MAP7D3: variants seen among roughly 807,000 people sequenced by gnomAD.
MAP7D3 encodes MAP7 domain-containing protein 3.
In MAP7D3, 45 loss-of-function variants were observed where a neutral mutation model predicts 62.2. That is an observed-to-expected ratio of 0.72 (90% CI 0.57 to 0.93). The LOEUF (loss-of-function observed/expected upper bound fraction) is 0.93. MAP7D3 is among the 40% of genes least tolerant of loss of function. The probability of loss-of-function intolerance (pLI) is 0.00; values close to 1 mark genes in which losing one functional copy is unlikely to be tolerated. For missense variants in MAP7D3, 711 were observed against 683.1 expected (o/e 1.04, Z -0.45); for synonymous variants, 288 against 248.8 (o/e 1.16, Z -1.48).
Position 136,230,983 on chromosome X carries a change from A to AGTATG in MAP7D3, c.1414-22_1414-18dup. 1 of 1,130,108 alleles carries AGTATG rather than the reference A, an allele frequency of 8.8e-7. No individual in the cohort carries two copies. Among genetic ancestry groups the AGTATG allele is most frequent in the Non-Finnish European group, 1.2e-6 (1 of 849,191 alleles). The allele number at this position is 1,130,108 out of a possible 1,213,427, so 93.1% of individuals were successfully genotyped here. A position where few individuals can be genotyped will look rare whatever the true frequency, so the allele number is the denominator to read the frequency against. The stretch of plus-strand genomic sequence containing the variant: ...TTCTGATTTCTGAACAGATAAACAC[A>AGTATG]GTATGGTAAATTACTAACAAACAAT... On this transcript the variant is annotated splice_polypyrimidine_tract_variant and intron_variant, in intron 8 of 18. Transcript: ENST00000316077.
At chrX:136,220,619 G>T in intron 16 of MAP7D3, 146 bp downstream of exon 16, 1 of 515,194 alleles carries the variant, frequency 1.9e-6, no homozygotes, top group Non-Finnish European at 3.3e-6. Context: ...GCTGTTGTGG[G>T]GATGAGTTTA....
downstream of MAP7D3, chrX:136,214,199 C>T (rs2074047417): frequency 8.9e-6 from 1 of 111,958 alleles, no homozygotes; most frequent in Non-Finnish European, 1.9e-5. Flanking sequence ...AACCTAACTG[C>T]AATGATTACA....
At chrX:136,251,252 G>C in intron 1 of MAP7D3, 37 bp downstream of exon 1, 1 of 1,101,362 alleles carries the variant, frequency 9.1e-7, no homozygotes, top group Non-Finnish European at 1.2e-6. Context: ...CTCCCACGCG[G>C]GCCCGAACCA....
intron 14 of MAP7D3, among the ~76,000 whole-genome samples, chrX:136,222,890 G>A (rs1165707570): frequency 9.4e-6 from 1 of 106,692 alleles, no homozygotes; most frequent in Non-Finnish European, 1.9e-5. Flanking sequence ...TGCCCAAGAT[G>A]GAGTGCAGTG....
In MAP7D3 at chrX:136,220,863, G is replaced by A. The variant is rs1309027638; in HGVS notation, c.2388C>T (p.Ser796=). ...ATGTTTTTGGCTCTTTACGGACCTG[G>A]CTGGTACCATCTTCTAGAAATACCA... ...HKLVFLEDGT[S]QVRKEPKTYF... The change falls in exon 16 of 19, where the codon AGC becomes AGT. Residue 796 remains serine (S), a synonymous_variant. Coordinates refer to ENST00000316077, the MANE Select transcript of MAP7D3 (RefSeq NM_024597.4). The A allele has an allele frequency of 5.8e-6, 7 of 1,202,383 alleles. No individual in the cohort carries two copies. Among genetic ancestry groups the A allele is most frequent in the African/African-American group, 1.8e-5 (1 of 57,015 alleles).
At chrX:136,235,407 G>A (rs1020323888) in intron 7 of MAP7D3, among the ~76,000 whole-genome samples, 7 of 111,962 alleles carry the variant, frequency 6.3e-5, no homozygotes, top group African/African-American at 2.3e-4. Context: ...GAAACAAAAA[G>A]CAACAAATAC....
In MAP7D3 at chrX:136,232,101, T is replaced by C. The variant is rs772284030; in HGVS notation, c.856A>G (p.Lys286Glu). ...TTCTCCAAGGGAGACTCTTCTACTT[T>C]TGTTTGAGGAGGTATTTTCATTGTC... Reference protein sequence around the residue: ...MSTMKIPPQTKVEESPLEKVE... With the variant: ...MSTMKIPPQTEVEESPLEKVE... Residue 286 changes from lysine (K) to glutamate (E), a missense_variant, in exon 8 of 19, where the codon AAA (lysine) becomes GAA (glutamate). Lys to Glu is a moderately conservative substitution (Grantham distance 56, BLOSUM62 1). Transcript: ENST00000316077. 3.1e-5 allele frequency: 37 copies of C among 1,207,918 alleles called. No homozygotes were observed. Among genetic ancestry groups the C allele is most frequent in the Non-Finnish European group, 4.0e-5 (36 of 893,174 alleles).
intron 1 of MAP7D3, among the ~76,000 whole-genome samples, chrX:136,250,903 G>A (rs2074499344): frequency 1.8e-5 from 2 of 111,604 alleles, no homozygotes. Flanking sequence ...TTGCGCGGGC[G>A]GCCACCGCCC....
chrX:136,245,997 A>T, intron 3 of MAP7D3, 68 bp downstream of exon 3: 1 of 730,413 alleles, frequency 1.4e-6, no homozygotes, highest in South Asian at 2.7e-5. Flanking sequence ...TAGGAGGAAT[A>T]AGTTAAAAAC....
intron 14 of MAP7D3, among the ~76,000 whole-genome samples, chrX:136,223,516 T>C (rs2074155755): frequency 9.0e-6 from 1 of 110,514 alleles, no homozygotes; most frequent in Admixed American, 9.7e-5. Flanking sequence ...AGGCAAACTA[T>C]GGCATGGAAG....
chrX:136,251,733 A>G (rs1414793929), upstream of MAP7D3, among the ~76,000 whole-genome samples: 2 of 111,509 alleles, frequency 1.8e-5, no homozygotes, highest in Non-Finnish European at 3.8e-5. Context: ...CATTTAAAGA[A>G]CATTTACGGC....
chrX:136,247,290 T>C (rs1028074180), intron 1 of MAP7D3, among the ~76,000 whole-genome samples: 1 of 112,027 alleles, frequency 8.9e-6, no homozygotes, highest in African/African-American at 3.2e-5. Flanking sequence ...ATCTAAAATG[T>C]CCCACAATAC....
Position 136,231,705 on chromosome X carries a change from G to C in MAP7D3, c.1252C>G (p.Pro418Ala). The C allele has an allele frequency of 8.3e-7, 1 of 1,209,559 alleles. No individual in the cohort carries two copies. The highest frequency in any genetic ancestry group is 1.1e-6 in the Non-Finnish European group (1 of 894,230). The change falls in exon 8 of 19, where the codon CCC (proline) becomes GCC (alanine). Residue 418 changes from proline (P) to alanine (A), a missense_variant. Coordinates refer to ENST00000316077, the MANE Select transcript of MAP7D3 (RefSeq NM_024597.4). ...AAPEGSLEAP[P>A]KGSAEVAPKE... ...GGGGCTACTTCTGCGCTCCCCTTGG[G>C]AGGTGCTTCCAGGCTCCCCTCTGGG...
chrX:136,256,154 G>T, upstream of MAP7D3: 1 of 1,082,819 alleles, frequency 9.2e-7, no homozygotes, highest in Non-Finnish European at 1.2e-6. Flanking sequence ...TCCTCTCGTC[G>T]CTCACTCTTG....
At chrX:136,229,481 T>C (rs768331426) in intron 10 of MAP7D3, among the ~76,000 whole-genome samples, 2 of 111,516 alleles carry the variant, frequency 1.8e-5, no homozygotes, top group Non-Finnish European at 3.8e-5. Context: ...TTAAGTAATG[T>C]CCATGGGTAT....
intron 6 of MAP7D3, among the ~76,000 whole-genome samples, chrX:136,238,151 GT>G (rs753569731): frequency 1.8e-5 from 2 of 111,461 alleles, no homozygotes; most frequent in East Asian, 5.6e-4. Context: ...TTGGTTCCAA[GT>G]CTTTGCTATT....
At chrX:136,241,122 C>A in intron 5 of MAP7D3, 38 bp downstream of exon 5, 1 of 785,551 alleles carries the variant, frequency 1.3e-6, no homozygotes, top group Non-Finnish European at 1.9e-6. Context: ...TAAACAAGAA[C>A]ATAAACAAAC....
chrX:136,251,210 C>T (rs1434585805), intron 1 of MAP7D3, 79 bp downstream of exon 1: 4 of 888,735 alleles, frequency 4.5e-6, no homozygotes, highest in East Asian at 8.2e-5. Context: ...CGCTGCGCCG[C>T]TCCGACGGCC....
chrX:136,215,424 C>A (rs1291861492), downstream of MAP7D3, among the ~76,000 whole-genome samples: 1 of 112,062 alleles, frequency 8.9e-6, no homozygotes, highest in African/African-American at 3.2e-5. Flanking sequence ...TTGTGTGCTT[C>A]TCATGAGAGT....
Sources: gnomAD v4.1 joint callset for allele counts (sites outside exome capture counted in the v4.1 genomes callset) on GRCh38, gnomAD v4.1.1 for gene constraint, MANE v1.5 for transcripts, NCBI Gene and HGNC (gene_info 2026-07-23, HGNC 2026-07-21) for gene names.